Variants in ARHGEF28 observed in about 807,000 individuals in gnomAD.
The protein encoded by ARHGEF28 is Rho guanine nucleotide exchange factor 28.
In ARHGEF28, 152 loss-of-function variants were observed where a neutral mutation model predicts 206.6. The observed-to-expected ratio is 0.74, with a 90% CI of 0.64 to 0.84. The LOEUF (loss-of-function observed/expected upper bound fraction) is 0.84. Ranked by LOEUF, ARHGEF28 falls within the 40% of genes least tolerant of loss-of-function variation. The probability of loss-of-function intolerance (pLI) is 0.00; values close to 1 mark genes in which losing one functional copy is unlikely to be tolerated. For synonymous variants in ARHGEF28, 763 were observed against 776.4 expected, an observed-to-expected ratio of 0.98 and a Z score of 0.29; for missense variants, 2,028 against 2,073.2, an observed-to-expected ratio of 0.98 and a Z score of 0.42.
At chr5:73,795,136 T>C (rs1754727076) in intron 8 of ARHGEF28, among the ~76,000 whole-genome samples, 195 bp from the exon 9 acceptor site, 1 of 152,202 alleles carries the variant, frequency 6.6e-6, no homozygotes, top group Non-Finnish European at 1.5e-5. Flanking sequence ...TGTTTCAGCT[T>C]GGGATAGATT....
chr5:73,735,961 T>A (rs967665451), intron 2 of ARHGEF28, among the ~76,000 whole-genome samples: 1 of 152,140 alleles, frequency 6.6e-6, no homozygotes, highest in African/African-American at 2.4e-5. Context: ...ATACAGAGAC[T>A]CTTGTGCTCA....
chr5:73,694,890 G>A (rs937048847), intron 2 of ARHGEF28, among the ~76,000 whole-genome samples: 7 of 152,384 alleles, frequency 4.6e-5, no homozygotes, highest in Admixed American at 1.3e-4. Context: ...TGCTCTCGCA[G>A]AATGCACTTG....
At chr5:73,723,895 C>G (rs1750120167) in intron 2 of ARHGEF28, among the ~76,000 whole-genome samples, 1 of 152,194 alleles carries the variant, frequency 6.6e-6, no homozygotes, top group Non-Finnish European at 1.5e-5. Context: ...ACACCTAAAT[C>G]CACTCTCTGG....
In ARHGEF28 at chr5:73,753,096, C is replaced by T; in HGVS notation, c.369C>T (p.Ala123=). The T allele has an allele frequency of 6.2e-7, 1 of 1,602,046 alleles. No individual in the cohort carries two copies. The change falls in exon 4 of 36, where the codon GCC becomes GCT. Residue 123 remains alanine (A), a synonymous_variant. Transcript: ENST00000513042. The part of the protein sequence containing the change: ...CSHQTLLTPF[A]LTAGALPALD... The stretch of plus-strand genomic sequence containing the variant: ...ACCAGACCCTGCTGACCCCATTTGC[C>T]TTGACGGCAGGAGCACTGCCTGCCT...
At chr5:73,720,457 G>T (rs1163908814) in intron 2 of ARHGEF28, among the ~76,000 whole-genome samples, 1 of 152,124 alleles carries the variant, frequency 6.6e-6, no homozygotes, top group African/African-American at 2.4e-5. Context: ...AGGAGAGATT[G>T]GACTCAGCCT....
chr5:73,791,393 A>G (rs1269533052), intron 7 of ARHGEF28, among the ~76,000 whole-genome samples: 1 of 152,214 alleles, frequency 6.6e-6, no homozygotes, highest in Non-Finnish European at 1.5e-5. Flanking sequence ...GCAAACTGAG[A>G]GCATGATCCT....
intron 33 of ARHGEF28, chr5:73,905,321 A>C (rs1414810783): frequency 6.6e-6 from 1 of 151,892 alleles, no homozygotes; most frequent in African/African-American, 2.4e-5. Flanking sequence ...AAAAAAAAAA[A>C]AACTGTCTTC....
intron 30 of ARHGEF28, chr5:73,899,242 A>G (rs1425161266): frequency 6.6e-6 from 1 of 152,150 alleles, no homozygotes; most frequent in Non-Finnish European, 1.5e-5. Flanking sequence ...TCATTATGCC[A>G]TTGAGGAGTC....
At chr5:73,755,754 GC>G (rs1199628949) in intron 4 of ARHGEF28, among the ~76,000 whole-genome samples, 1 of 152,094 alleles carries the variant, frequency 6.6e-6, no homozygotes, top group Non-Finnish European at 1.5e-5. Flanking sequence ...TTTGGAGAAC[GC>G]TTGACAACTC....
chr5:73,831,142 C>G (rs1486522514), intron 9 of ARHGEF28, among the ~76,000 whole-genome samples: 1 of 152,068 alleles, frequency 6.6e-6, no homozygotes, highest in Admixed American at 6.5e-5. Flanking sequence ...TAATTCTGAC[C>G]AATAATATTT....
At chr5:73,654,866 C>T (rs111973802) in intron 1 of ARHGEF28, among the ~76,000 whole-genome samples, 3 of 152,112 alleles carry the variant, frequency 2.0e-5, no homozygotes, top group South Asian at 2.1e-4. Flanking sequence ...GAAAACCTGA[C>T]GTTCACAGTA....
chr5:73,817,038 A>G (rs537546707), intron 9 of ARHGEF28, among the ~76,000 whole-genome samples: 34 of 152,370 alleles, frequency 2.2e-4, no homozygotes, highest in Middle Eastern at 6.8e-3. Context: ...ATTGAAAAAT[A>G]CAGGAATTAG....
chr5:73,690,586 T>C (rs1158107678), intron 2 of ARHGEF28, among the ~76,000 whole-genome samples: 1 of 143,788 alleles, frequency 7.0e-6, no homozygotes, highest in Non-Finnish European at 1.5e-5. Context: ...TAGTCCCAGC[T>C]ACTTGGGAGG....
In ARHGEF28 at chr5:73,941,184, A is replaced by G; in HGVS notation, c.*171A>G. On this transcript the variant is annotated 3_prime_UTR_variant, in exon 36 of 36. Coordinates refer to ENST00000513042, the MANE Select transcript of ARHGEF28 (RefSeq NM_001177693.2). Reference sequence around the variant, plus strand: ...GCATGAGTCTAATTAAATTATTGAAAGCCACCCTGTTTGTATAATCTTTAA... The same window carrying G: ...GCATGAGTCTAATTAAATTATTGAAGGCCACCCTGTTTGTATAATCTTTAA... 1 of 484,772 alleles carries G rather than the reference A, an allele frequency of 2.1e-6. No individual in the cohort carries two copies. The highest frequency in any genetic ancestry group is 3.2e-6 in the Non-Finnish European group (1 of 313,084). The allele number at this position is 484,772 out of a possible 1,614,324, so 30.0% of individuals were successfully genotyped here. A position where few individuals can be genotyped will look rare whatever the true frequency, so the allele number is the denominator to read the frequency against.
chr5:73,667,544 A>G (rs72770810), intron 1 of ARHGEF28, among the ~76,000 whole-genome samples: 27,595 of 152,138 alleles, frequency 0.18, 2,898 homozygotes, highest in Non-Finnish European at 0.24. Context: ...CATCAGGGTC[A>G]TTCTCCCATC....
intron 28 of ARHGEF28, 84 bp downstream of exon 28, chr5:73,893,372 T>C: frequency 9.0e-7 from 1 of 1,116,644 alleles, no homozygotes; most frequent in Non-Finnish European, 1.2e-6. Flanking sequence ...CAGGAGGTTA[T>C]AACTACATGA....
intron 1 of ARHGEF28, among the ~76,000 whole-genome samples, chr5:73,675,766 TATTTATAAA>T (rs1253311689): frequency 6.8e-6 from 1 of 147,376 alleles, no homozygotes; most frequent in Admixed American, 6.8e-5. Flanking sequence ...AAAATAAGCA[TATTTATAAA>T]GTTTATATTT....
intron 21 of ARHGEF28, among the ~76,000 whole-genome samples, chr5:73,871,569 G>C (rs1760104795): frequency 6.6e-6 from 1 of 152,184 alleles, no homozygotes; most frequent in Admixed American, 6.5e-5. Flanking sequence ...TGTAAATTGT[G>C]AGTTGTTATT....
intron 7 of ARHGEF28, among the ~76,000 whole-genome samples, chr5:73,783,627 G>A (rs1401988973): frequency 2.6e-5 from 4 of 152,142 alleles, no homozygotes; most frequent in Non-Finnish European, 1.5e-5. Flanking sequence ...ACAGCAGTGT[G>A]ACAAGATGGG....
Sources: allele counts gnomAD v4.1 joint callset (sites outside exome capture counted in the v4.1 genomes callset), GRCh38; gene constraint gnomAD v4.1.1; transcripts MANE v1.5; gene names NCBI Gene and HGNC (gene_info 2026-07-23, HGNC 2026-07-21).